SAMM50: variants seen among roughly 807,000 people sequenced by gnomAD.
SAMM50 encodes the protein SAMM50 sorting and assembly machinery component.
In SAMM50, 47 loss-of-function variants were observed where a neutral mutation model predicts 66.9. The observed-to-expected ratio is 0.70, with a 90% CI of 0.56 to 0.90. SAMM50 has a LOEUF of 0.90. Ranked by LOEUF, SAMM50 falls within the 40% of genes least tolerant of loss-of-function variation. The pLI is 0.00. For missense variants in SAMM50, 535 were observed against 595.3 expected, an observed-to-expected ratio of 0.90 and a Z score of 1.05; for synonymous variants, 191 against 214.1, an observed-to-expected ratio of 0.89 and a Z score of 0.94.
rs1197536938 is a variant in SAMM50, at chr22:43,990,279, G to A, written c.1237G>A (p.Ala413Thr). The A allele has an allele frequency of 6.2e-7, 1 of 1,614,062 alleles. No homozygotes were observed. The highest frequency in any genetic ancestry group is 2.2e-5 in the East Asian group (1 of 44,886). ...TCTCTTTTCAGGGGAGGGCCCCAAA[G>A]CTCATATTCGTAAGCTGGCTGAGTG... ...CNLNYGEGPK[A>T]HIRKLAECIR... Residue 413 changes from alanine (A) to threonine (T), a missense_variant, in exon 14 of 15, where the codon GCT becomes ACT. Ala to Thr is a moderately conservative substitution (Grantham distance 58). Transcript: ENST00000350028.
chr22:43,956,099 GGAGGTA>G (rs2050118124), intron 1 of SAMM50, among the ~76,000 whole-genome samples: 2 of 152,100 alleles, frequency 1.3e-5, no homozygotes, highest in African/African-American at 4.8e-5. Context: ...GTTTTAAAGT[GGAGGTA>G]GTAATAGTAC....
intron 7 of SAMM50, 65 bp downstream of exon 7, chr22:43,973,388 C>T: frequency 2.1e-6 from 2 of 974,498 alleles, no homozygotes; most frequent in East Asian, 2.4e-5. Flanking sequence ...TTCACTGATT[C>T]CCAAAGGCAG....
At chr22:43,963,952 G>C (rs961960197) in intron 2 of SAMM50, among the ~76,000 whole-genome samples, 1 of 151,864 alleles carries the variant, frequency 6.6e-6, no homozygotes, top group Non-Finnish European at 1.5e-5. Context: ...CTGTCACCCA[G>C]GCTGGAGTGC....
chr22:43,972,751 G>A, intron 5 of SAMM50, 120 bp from the exon 6 acceptor site: 1 of 911,884 alleles, frequency 1.1e-6, no homozygotes, highest in Non-Finnish European at 1.7e-6. Flanking sequence ...GACTAGATCT[G>A]TAGTTAGCAT....
intron 14 of SAMM50, among the ~76,000 whole-genome samples, chr22:43,993,997 C>T (rs972204860): frequency 6.6e-6 from 1 of 152,194 alleles, no homozygotes. Flanking sequence ...TCTGGAGACA[C>T]AGGGCTGAAT....
intron 7 of SAMM50, chr22:43,974,778 G>A (rs1356284528): frequency 5.3e-5 from 8 of 152,338 alleles, no homozygotes; most frequent in Non-Finnish European, 8.8e-5. Context: ...ACCCACAGTG[G>A]TCGGGCTCCC....
In SAMM50 at chr22:43,988,994, C is replaced by T. The variant is rs1237151659; in HGVS notation, c.1076-117C>T. ...GAGAAGAACAGCTGCTTGCAAACTC[C>T]AGCACTGTGTGGCGTTGTTTACAGG... On this transcript the variant is annotated intron_variant, in intron 12 of 14. Transcript: ENST00000350028. 8.3e-6 allele frequency: 8 copies of T among 965,654 alleles called. No homozygotes were observed. In the East Asian group the frequency reaches 1.4e-4, roughly 17 times the overall value. 59.8% of individuals were successfully genotyped at this position (965,654 alleles called of 1,614,324 possible).
At chr22:43,971,526 C>A (rs2050203691) in intron 4 of SAMM50, among the ~76,000 whole-genome samples, 1 of 152,158 alleles carries the variant, frequency 6.6e-6, no homozygotes, top group Admixed American at 6.5e-5. Context: ...TTACTGACAC[C>A]CCTATTGTCA....
intron 1 of SAMM50, among the ~76,000 whole-genome samples, chr22:43,960,039 G>T (rs1314933870): frequency 6.6e-6 from 1 of 152,120 alleles, no homozygotes; most frequent in Non-Finnish European, 1.5e-5. Context: ...GGTGAACCTT[G>T]TTTCATGCTT....
chr22:43,976,163 T>A lies in SAMM50; in HGVS notation c.757T>A (p.Ser253Thr). 1 of 1,606,436 alleles carries A rather than the reference T, an allele frequency of 6.2e-7. No homozygotes were observed. Among genetic ancestry groups the A allele is most frequent in the Non-Finnish European group, 8.5e-7 (1 of 1,173,526 alleles). Residue 253 changes from serine to threonine, a missense_variant, in exon 8 of 15, where the codon TCA (serine) becomes ACA (threonine). By Grantham distance (58) the Ser-to-Thr change is moderately conservative. Transcript: ENST00000350028. ...SFAVRKESGH[S>T]LKSSLSHAMV... Reference sequence around the variant, plus strand: ...TGCTGTTCGAAAAGAAAGCGGACATTCACTGAAATCATCTCTTTCGGTAAC... The same window carrying A: ...TGCTGTTCGAAAAGAAAGCGGACATACACTGAAATCATCTCTTTCGGTAAC...
rs747884901 is a variant in SAMM50 at position 43,981,456 on chromosome 22, T to C, written c.1002T>C (p.Ala334=). ...TTGGTGATAAGCCGTCAAGCATTGCTGATAGGTAAGTACTAATCAATGAAT... is the reference window on the plus strand; with the variant it reads ...TTGGTGATAAGCCGTCAAGCATTGCCGATAGGTAAGTACTAATCAATGAAT... The part of the protein sequence containing the change: ...VPIGDKPSSI[A]DRFYLGGPTS... The change falls in exon 11 of 15, where the codon GCT becomes GCC. Residue 334 remains alanine, a synonymous_variant. Transcript: ENST00000350028. 1 of 1,608,890 alleles carries C rather than the reference T, an allele frequency of 6.2e-7. No individual in the cohort carries two copies.
rs1399609772 is a variant in SAMM50, at chr22:43,955,573, G to A, written c.-5G>A. ...CTCTGCGAGGCAGCGGCTGGAGAGG[G>A]AACCATGGGGACTGTGCACGCCCGG... is the stretch of plus-strand genomic sequence containing the variant. On this transcript the variant is annotated 5_prime_UTR_variant, in exon 1 of 15. Transcript: ENST00000350028. 2 of 1,600,948 alleles carry A rather than the reference G, an allele frequency of 1.2e-6. No individual in the cohort carries two copies. The highest frequency in any genetic ancestry group is 2.3e-5 in the East Asian group (1 of 44,430).
chr22:43,963,917 A>ATTTTTTTTTTTTTT (rs1381112918), intron 2 of SAMM50, among the ~76,000 whole-genome samples: 1 of 150,226 alleles, frequency 6.7e-6, no homozygotes, highest in African/African-American at 2.5e-5. Context: ...TATTTTTAAA[A>ATTTTTTTTTTTTTT]TTTTTTTTGA....
intron 12 of SAMM50, among the ~76,000 whole-genome samples, chr22:43,984,964 A>T (rs1022285328): frequency 5.3e-5 from 8 of 151,588 alleles, no homozygotes; most frequent in Non-Finnish European, 4.4e-5. Flanking sequence ...TTCTCTCATC[A>T]CCTCCCATAA....
rs1380492770 is a variant in SAMM50, at chr22:43,972,968, T to C, written c.527T>C (p.Phe176Ser). Residue 176 changes from phenylalanine (F) to serine (S), a missense_variant, in exon 6 of 15, where the codon TTC becomes TCC. Transcript: ENST00000350028. Reference sequence around the variant, plus strand: ...AAAGAAACTTCGTATGGCCTGTCCTTCTTCAAACCACGGCCCGGAAACTTC... The same window carrying C: ...AAAGAAACTTCGTATGGCCTGTCCTCCTTCAAACCACGGCCCGGAAACTTC... ...GTKETSYGLS[F>S]FKPRPGNFER... 6.3e-7 allele frequency: 1 copy of C among 1,597,852 alleles called. No individual in the cohort carries two copies. Among genetic ancestry groups the C allele is most frequent in the Non-Finnish European group, 8.5e-7 (1 of 1,176,478 alleles).
chr22:43,956,115 C>A (rs2050118223), intron 1 of SAMM50, among the ~76,000 whole-genome samples: 1 of 152,156 alleles, frequency 6.6e-6, no homozygotes, highest in Non-Finnish European at 1.5e-5. Flanking sequence ...AGTAATAGTA[C>A]CTACCTCGCC....
chr22:43,992,904 C>T (rs1462947444), intron 14 of SAMM50, among the ~76,000 whole-genome samples: 1 of 152,224 alleles, frequency 6.6e-6, no homozygotes, highest in Non-Finnish European at 1.5e-5. Context: ...TGGGATGATG[C>T]ATCCTGATTT....
intron 2 of SAMM50, 95 bp from the exon 3 acceptor site, chr22:43,964,357 C>T: frequency 1.6e-6 from 1 of 630,664 alleles, no homozygotes; most frequent in Admixed American, 2.5e-5. Flanking sequence ...TGAAGAAAAC[C>T]TTGACATTAA....
rs766251685 is a variant in SAMM50, at chr22:43,968,749, G to A, written c.253G>A (p.Glu85Lys). The change falls in exon 4 of 15, where the codon GAA becomes AAA. Residue 85 changes from glutamate to lysine, a missense_variant. Physicochemically the swap from Glu to Lys is moderately conservative, Grantham distance 56. Coordinates refer to ENST00000350028, the MANE Select transcript of SAMM50 (RefSeq NM_015380.5). ...TTTATAGGTAATGCGGAAATCTCAT[G>A]AAGCCCGTGAAAAATTGCTCCGTCT... ...NLIEVMRKSH[E>K]AREKLLRLGI... 1.9e-6 allele frequency: 3 copies of A among 1,612,486 alleles called. No individual in the cohort carries two copies. Among genetic ancestry groups the A allele is most frequent in the Admixed American group, 3.3e-5 (2 of 60,028 alleles).
Sources: allele counts gnomAD v4.1 joint callset (sites outside exome capture counted in the v4.1 genomes callset), GRCh38; gene constraint gnomAD v4.1.1; transcripts MANE v1.5; gene names NCBI Gene and HGNC (gene_info 2026-07-23, HGNC 2026-07-21).